Variants in CACNB2 observed in about 807,000 individuals in gnomAD.
The protein encoded by CACNB2 is voltage-dependent L-type calcium channel subunit beta-2.
A neutral mutation model predicts 73.3 loss-of-function variants in CACNB2; 42 were observed. The ratio of observed to expected loss-of-function variants is 0.57; its 90% confidence interval spans 0.45 to 0.74. The LOEUF is 0.74. Among genes scored for constraint, CACNB2 ranks in the 30% least tolerant of loss-of-function variants. CACNB2 has a pLI of 0.00. For missense variants in CACNB2, 940 were observed against 853.0 expected (o/e 1.10, Z -1.27); for synonymous variants, 348 against 310.3 (o/e 1.12, Z -1.28).
intron 2 of CACNB2, among the ~76,000 whole-genome samples, chr10:18,379,434 G>A (rs1372639348): frequency 6.6e-6 from 1 of 151,940 alleles, no homozygotes; most frequent in African/African-American, 2.4e-5. Context: ...GGCTGGTCTC[G>A]AACTCCTGAC....
At chr10:18,232,920 T>A (rs1372836287) in intron 2 of CACNB2, among the ~76,000 whole-genome samples, 1 of 152,010 alleles carries the variant, frequency 6.6e-6, no homozygotes, top group Non-Finnish European at 1.5e-5. Flanking sequence ...ACCCCAACTC[T>A]ACAAAAAGTA....
In CACNB2 at chr10:18,496,222, A is replaced by G. The variant is rs148606132; in HGVS notation, c.334-2133A>G. The stretch of plus-strand genomic sequence containing the variant: ...AAAAAAAAAATTACAGTGAATGTCA[A>G]TAACTGGCTTCCAAATATTTAACTC... On this transcript the variant is annotated intron_variant, in intron 3 of 13. Transcript: ENST00000324631. 2.9e-3 allele frequency among the ~76,000 whole-genome samples: 436 copies of G among 151,338 alleles called. 2 individuals carry two copies. Among genetic ancestry groups the G allele is most frequent in the African/African-American group, 0.01 (419 of 41,230 alleles).
At position 18,214,455 on chromosome 10, in the gene CACNB2, A is replaced by G. The variant is rs1335522406; in HGVS notation, c.213+63480A>G. ...AGCCTGGCCAACATGGTGGAACCCC[A>G]TCTTTACCAAAAATATAAAAAATTA... is the stretch of plus-strand genomic sequence containing the variant. On this transcript the variant is annotated intron_variant, in intron 2 of 13. Coordinates refer to ENST00000324631, the MANE Select transcript of CACNB2 (RefSeq NM_201596.3). Among the ~76,000 whole-genome samples, 3 of 72,218 alleles carry G rather than the reference A, an allele frequency of 4.2e-5. 1 individual carries two copies. The East Asian group carries it at 8.8e-4, about 21-fold the overall frequency. The allele number at this position is 72,218 out of a possible 152,430, so 47.4% of individuals were successfully genotyped here.
chr10:18,438,598 T>G (rs1246228550), intron 3 of CACNB2, among the ~76,000 whole-genome samples: 1 of 152,200 alleles, frequency 6.6e-6, no homozygotes, highest in Non-Finnish European at 1.5e-5. Context: ...ATCCATCTGT[T>G]CTCCCACACC....
chr10:18,235,872 G>T (rs2036421320), intron 2 of CACNB2, among the ~76,000 whole-genome samples: 1 of 152,098 alleles, frequency 6.6e-6, no homozygotes, highest in Non-Finnish European at 1.5e-5. Context: ...GGTGGGATGG[G>T]ATTAGATCGT....
chr10:18,229,573 C>G (rs1307790110), intron 2 of CACNB2, among the ~76,000 whole-genome samples: 2 of 151,930 alleles, frequency 1.3e-5, no homozygotes, highest in African/African-American at 4.8e-5. Flanking sequence ...TATGATAATC[C>G]TTAAAATATT....
At position 18,140,589 on chromosome 10, in the gene CACNB2, G is replaced by A; in HGVS notation, c.-148G>A. The stretch of plus-strand genomic sequence containing the variant: ...GCCTGGCAGCAGGGCGCCGAGTCCC[G>A]GGGCGCTGCGGGGCGCTGCGCCGAG... On this transcript the variant is annotated 5_prime_UTR_variant, in exon 1 of 14. Transcript: ENST00000324631. The A allele has an allele frequency of 3.8e-6, 2 of 526,744 alleles. No individual in the cohort carries two copies. The highest frequency in any genetic ancestry group is 6.2e-6 in the Non-Finnish European group (2 of 324,304). The allele number at this position is 526,744 out of a possible 1,614,324, so 32.6% of individuals were successfully genotyped here. A position where few individuals can be genotyped will look rare whatever the true frequency, so the allele number is the denominator to read the frequency against.
intron 2 of CACNB2, among the ~76,000 whole-genome samples, chr10:18,274,183 A>G (rs1369300585): frequency 6.6e-6 from 1 of 151,910 alleles, no homozygotes; most frequent in Non-Finnish European, 1.5e-5. Flanking sequence ...GGGTGAAATA[A>G]ATCAACCCGA....
chr10:18,539,185 C>T (rs776502361), intron 13 of CACNB2, 45 bp from the exon 14 acceptor site: 3 of 1,613,016 alleles, frequency 1.9e-6, no homozygotes, highest in Admixed American at 1.7e-5. Context: ...ATGTTCTTTA[C>T]ACACTGACCT....
At chr10:18,141,725 A>G (rs1205217106) in intron 1 of CACNB2, among the ~76,000 whole-genome samples, 1 of 152,230 alleles carries the variant, frequency 6.6e-6, no homozygotes, top group Non-Finnish European at 1.5e-5. Context: ...AGACACCTCC[A>G]GGTCTCAGCG....
intron 4 of CACNB2, 111 bp from the exon 5 acceptor site, chr10:18,500,701 A>T: frequency 9.4e-7 from 1 of 1,067,862 alleles, no homozygotes; most frequent in Non-Finnish European, 1.4e-6. Flanking sequence ...GATAATATTT[A>T]AGGCATAGTT....
Position 18,150,919 on chromosome 10 carries a change from A to G in CACNB2, c.157A>G (p.Lys53Glu). Residue 53 changes from lysine (K) to glutamate (E), a missense_variant, in exon 2 of 14, where the codon AAA becomes GAA. Physicochemically the swap from Lys to Glu is moderately conservative, Grantham distance 56. Transcript: ENST00000324631. Reference protein sequence around the residue: ...GKGARRKNRFKGSDGSTSSDT... With the variant: ...GKGARRKNRFEGSDGSTSSDT... Reference sequence around the variant, plus strand: ...AGGAGCCAGAAGGAAAAACAGATTTAAAGGATCTGATGGAAGCACGTCATC... The same window carrying G: ...AGGAGCCAGAAGGAAAAACAGATTTGAAGGATCTGATGGAAGCACGTCATC... 1 of 1,580,710 alleles carries G rather than the reference A, an allele frequency of 6.3e-7. No individual in the cohort carries two copies.
At position 18,214,585 on chromosome 10, in the gene CACNB2, C is replaced by T. The variant is rs555754899; in HGVS notation, c.213+63610C>T. Among the ~76,000 whole-genome samples, 27 of 98,552 alleles carry T rather than the reference C, an allele frequency of 2.7e-4. 5 individuals are homozygous for T. The highest frequency in any genetic ancestry group is 8.4e-4 in the African/African-American group (25 of 29,888). 64.7% of individuals were successfully genotyped at this position (98,552 alleles called of 152,430 possible). ...GAGCTTGCAGTGAGCCGAGATAGCA[C>T]CACTGCATTACAGCCTGGGCAATGG... On this transcript the variant is annotated intron_variant, in intron 2 of 13. Transcript: ENST00000324631.
chr10:18,333,008 G>A (rs1174062922), intron 2 of CACNB2, among the ~76,000 whole-genome samples: 5 of 152,216 alleles, frequency 3.3e-5, no homozygotes, highest in African/African-American at 1.2e-4. Flanking sequence ...GGCCAAAAAA[G>A]CCACCAAAAT....
chr10:18,440,103 T>G (rs1020937675), intron 3 of CACNB2, among the ~76,000 whole-genome samples: 1 of 152,164 alleles, frequency 6.6e-6, no homozygotes, highest in African/African-American at 2.4e-5. Context: ...TGATCTCTGC[T>G]TCACATGTGG....
intron 2 of CACNB2, among the ~76,000 whole-genome samples, chr10:18,364,202 C>T (rs1351084952): frequency 6.6e-6 from 1 of 151,868 alleles, no homozygotes. Flanking sequence ...GATCCACCCA[C>T]CTCAGCCTCT....
intron 2 of CACNB2, among the ~76,000 whole-genome samples, chr10:18,253,233 C>T (rs75498099): frequency 0.021 from 3,184 of 152,204 alleles, 105 homozygotes; most frequent in African/African-American, 0.074. Flanking sequence ...GCTTGAGTCC[C>T]TGGGTTTTTA....
intron 3 of CACNB2, among the ~76,000 whole-genome samples, chr10:18,432,689 A>AGC (rs1441576157): frequency 2.0e-5 from 3 of 152,034 alleles, no homozygotes; most frequent in Non-Finnish European, 4.4e-5. Context: ...TACAAAAACT[A>AGC]GCCCAGCATG....
intron 3 of CACNB2, among the ~76,000 whole-genome samples, chr10:18,424,488 C>A (rs750399829): frequency 2.0e-5 from 3 of 152,066 alleles, no homozygotes; most frequent in Non-Finnish European, 2.9e-5. Flanking sequence ...CACTGGTGGG[C>A]GTGTCTGATT....
Sources: allele counts gnomAD v4.1 joint callset (sites outside exome capture counted in the v4.1 genomes callset), GRCh38; gene constraint gnomAD v4.1.1; transcripts MANE v1.5; gene names NCBI Gene and HGNC (gene_info 2026-07-23, HGNC 2026-07-21).